Variants in DDX10 observed in about 807,000 individuals in gnomAD.
DDX10 encodes the protein probable ATP-dependent RNA helicase DDX10.
In DDX10, 74 loss-of-function variants were observed where a neutral mutation model predicts 104.3. The ratio of observed to expected loss-of-function variants is 0.71; its 90% CI spans 0.59 to 0.86. The LOEUF is 0.86. Among genes scored for constraint, DDX10 ranks in the 40% least tolerant of loss-of-function variants. DDX10 has a pLI of 0.00. For synonymous variants in DDX10, 351 were observed against 353.4 expected (o/e 0.99, Z 0.08); for missense variants, 952 against 1,040.0 (o/e 0.92, Z 1.16).
At chr11:108,815,305 T>A (rs571168290) in intron 13 of DDX10, among the ~76,000 whole-genome samples, 68 of 152,222 alleles carry the variant, frequency 4.5e-4, no homozygotes, top group South Asian at 2.3e-3. Flanking sequence ...TCTTTTTTTT[T>A]AAATTATCAA....
Position 108,677,100 on chromosome 11 carries a change from T to C in DDX10, c.394T>C (p.Tyr132His), listed in dbSNP as rs542987609. 2 of 1,611,670 alleles carry C rather than the reference T, an allele frequency of 1.2e-6. No individual in the cohort carries two copies. Among genetic ancestry groups the C allele is most frequent in the African/African-American group, 1.3e-5 (1 of 74,806 alleles). Residue 132 changes from tyrosine to histidine, a missense_variant, in exon 4 of 18, where the codon TAT (tyrosine) becomes CAT (histidine). This residue lies in a region of DDX10 where 412 missense variants were observed against 479.2 expected (regional missense o/e 0.86). Transcript: ENST00000322536. The part of the protein sequence containing the change: ...AFLVPVLEAL[Y>H]RLQWTSTDGL... The stretch of plus-strand genomic sequence containing the variant: ...TCTTTTTGAGGTGCTGGAAGCCTTA[T>C]ATCGTCTGCAATGGACTTCAACAGA...
At chr11:108,722,364 CATG>C (rs1401678625) in intron 12 of DDX10, among the ~76,000 whole-genome samples, 2 of 152,154 alleles carry the variant, frequency 1.3e-5, no homozygotes, top group Non-Finnish European at 2.9e-5. Context: ...CTGGGAAAGA[CATG>C]ATAATAAATT....
chr11:108,667,570 C>T (rs913816311), intron 1 of DDX10, among the ~76,000 whole-genome samples: 2 of 152,092 alleles, frequency 1.3e-5, no homozygotes, highest in Non-Finnish European at 2.9e-5. Flanking sequence ...TTCAAAAAAC[C>T]GAAGTTATTA....
At chr11:108,899,224 T>A (rs1194207391) in intron 16 of DDX10, among the ~76,000 whole-genome samples, 2 of 142,036 alleles carry the variant, frequency 1.4e-5, no homozygotes, top group Non-Finnish European at 3.0e-5. Context: ...TTTATTGGGT[T>A]TTTTTTTTCT....
At chr11:108,762,705 T>G (rs2094352113) in intron 13 of DDX10, among the ~76,000 whole-genome samples, 1 of 152,176 alleles carries the variant, frequency 6.6e-6, no homozygotes, top group South Asian at 2.1e-4. Flanking sequence ...ATGCAAAAGT[T>G]AAGTCTAGAT....
chr11:108,816,278 A>G (rs1478598399), intron 13 of DDX10, among the ~76,000 whole-genome samples: 5 of 151,948 alleles, frequency 3.3e-5, no homozygotes, highest in Admixed American at 3.3e-4. Context: ...TTTAAAACTC[A>G]TATGCTAATG....
chr11:108,926,732 G>C (rs1381426156), intron 17 of DDX10, among the ~76,000 whole-genome samples: 2 of 152,192 alleles, frequency 1.3e-5, no homozygotes, highest in Non-Finnish European at 2.9e-5. Flanking sequence ...CATTAGGACT[G>C]TTGCATGGCC....
At chr11:108,733,475 C>T (rs1272370890) in intron 13 of DDX10, among the ~76,000 whole-genome samples, 1 of 152,136 alleles carries the variant, frequency 6.6e-6, no homozygotes, top group Admixed American at 6.6e-5. Flanking sequence ...TCATATCTCA[C>T]TTATTTAAAT....
intron 6 of DDX10, among the ~76,000 whole-genome samples, chr11:108,686,344 T>C (rs1326590781): frequency 1.3e-5 from 2 of 152,218 alleles, no homozygotes; most frequent in African/African-American, 2.4e-5. Flanking sequence ...TCTACTGTTA[T>C]AGTATTTCAC....
chr11:108,782,020 A>C (rs1313940569), intron 13 of DDX10, among the ~76,000 whole-genome samples: 1 of 152,168 alleles, frequency 6.6e-6, no homozygotes, highest in Non-Finnish European at 1.5e-5. Flanking sequence ...TGAGGAGGCT[A>C]CTTGCAAATT....
At chr11:108,681,306 G>A (rs923561746) in intron 6 of DDX10, among the ~76,000 whole-genome samples, 1 of 151,944 alleles carries the variant, frequency 6.6e-6, no homozygotes, top group African/African-American at 2.4e-5. Context: ...TTGAAACCCG[G>A]TCCCATCACT....
At chr11:108,817,494 C>G (rs1862271348) in intron 13 of DDX10, among the ~76,000 whole-genome samples, 2 of 152,064 alleles carry the variant, frequency 1.3e-5, no homozygotes. Flanking sequence ...AAATTGTTAC[C>G]TTCTGCCCAG....
At chr11:108,677,846 C>T (rs1162453907) in intron 4 of DDX10, among the ~76,000 whole-genome samples, 1 of 151,848 alleles carries the variant, frequency 6.6e-6, no homozygotes, top group South Asian at 2.1e-4. Flanking sequence ...TAACAACATT[C>T]TGTTTTTTCC....
chr11:108,913,657 T>G (rs780582688), intron 16 of DDX10, among the ~76,000 whole-genome samples: 1 of 152,188 alleles, frequency 6.6e-6, no homozygotes, highest in Non-Finnish European at 1.5e-5. Flanking sequence ...TTGCCGTCCC[T>G]ATTTTCCTTT....
At chr11:108,807,183 G>T (rs1326115378) in intron 13 of DDX10, among the ~76,000 whole-genome samples, 1 of 152,092 alleles carries the variant, frequency 6.6e-6, no homozygotes, top group African/African-American at 2.4e-5. Context: ...GAGGAATCCA[G>T]TATGCCTCCT....
At chr11:108,735,905 G>A (rs1250743079) in intron 13 of DDX10, among the ~76,000 whole-genome samples, 1 of 152,100 alleles carries the variant, frequency 6.6e-6, no homozygotes, top group Admixed American at 6.6e-5. Flanking sequence ...AGGGATGTCT[G>A]CATATTAAGA....
chr11:108,731,237 G>A (rs930217798), intron 13 of DDX10, among the ~76,000 whole-genome samples: 4 of 151,738 alleles, frequency 2.6e-5, no homozygotes, highest in Non-Finnish European at 5.9e-5. Context: ...TTTTAGTAGA[G>A]ACGGGGTTTC....
intron 13 of DDX10, among the ~76,000 whole-genome samples, chr11:108,740,257 A>T (rs995315188): frequency 6.6e-6 from 1 of 151,956 alleles, no homozygotes; most frequent in Admixed American, 6.6e-5. Flanking sequence ...TTCCTTTGTT[A>T]GTTTGCTTAG....
intron 16 of DDX10, chr11:108,868,103 T>C (rs1863030462): frequency 6.6e-6 from 1 of 152,166 alleles, no homozygotes; most frequent in South Asian, 2.1e-4. Context: ...CTATATTTCT[T>C]TACCTTGTCA....
Sources: gnomAD v4.1 joint callset for allele counts (sites outside exome capture counted in the v4.1 genomes callset) on GRCh38, gnomAD v4.1.1 for gene constraint, gnomAD v4.1.1 regional missense constraint, MANE v1.5 for transcripts, NCBI Gene and HGNC (gene_info 2026-07-23, HGNC 2026-07-21) for gene names.